Variants in OLFML3 observed in about 807,000 individuals in gnomAD.
The protein encoded by OLFML3 is olfactomedin-like protein 3.
OLFML3 carries 26 observed loss-of-function variants against 36.0 expected under a neutral mutation model. The ratio of observed to expected loss-of-function variants is 0.72; its 90% confidence interval spans 0.53 to 1.00. The LOEUF (loss-of-function observed/expected upper bound fraction) is 1.00, where lower values mean the gene tolerates loss of function less well. Ranked by LOEUF, OLFML3 falls within the 50% of genes least tolerant of loss-of-function variation. The pLI is 0.00. For synonymous variants in OLFML3, 184 were observed against 201.2 expected (o/e 0.91, Z 0.72); for missense variants, 503 against 519.4 (o/e 0.97, Z 0.31).
At chr1:113,979,857 T>G (rs1673341677) in intron 1 of OLFML3, 2 of 1,145,502 alleles carry the variant, frequency 1.7e-6, no homozygotes, top group Non-Finnish European at 2.4e-6. Flanking sequence ...TTAGATAGAA[T>G]AAGGGGGCAG....
At chr1:113,980,250 C>T (rs1215810122) in intron 1 of OLFML3, 82 bp from the exon 2 acceptor site, 1 of 1,523,082 alleles carries the variant, frequency 6.6e-7, no homozygotes, top group African/African-American at 1.4e-5. Flanking sequence ...CTTTTTTTCC[C>T]ATTCCTGACT....
chr1:113,980,312 C>T lies in OLFML3; in HGVS notation c.115-20C>T, dbSNP rs1182709547. Reference sequence around the variant, plus strand: ...GAGTTGTAACCCTGCAGCCTCCCTCCTGATCCCCCATCCCTTCAGGAACGG... The same window carrying T: ...GAGTTGTAACCCTGCAGCCTCCCTCTTGATCCCCCATCCCTTCAGGAACGG... On this transcript the variant is annotated intron_variant, in intron 1 of 2. Transcript: ENST00000320334. The T allele has an allele frequency of 1.3e-6, 2 of 1,534,160 alleles. No homozygotes were observed. Among genetic ancestry groups the T allele is most frequent in the South Asian group, 1.3e-5 (1 of 77,890 alleles).
chr1:113,980,723 C>T, intron 2 of OLFML3, 106 bp downstream of exon 2: 2 of 1,289,386 alleles, frequency 1.6e-6, no homozygotes, highest in African/African-American at 3.0e-5. Context: ...GTGGCTCTGT[C>T]TTCTGGAATC....
intron 2 of OLFML3, 106 bp from the exon 3 acceptor site, chr1:113,980,843 A>G (rs3789614): frequency 0.32 from 358,577 of 1,106,048 alleles, 61,552 homozygotes; most frequent in Middle Eastern, 0.38. Flanking sequence ...GGAGGCAACC[A>G]CTGGGCAAAT....
Position 113,981,118 on chromosome 1 carries a change from C to T in OLFML3, c.570C>T (p.Thr190=). The change falls in exon 3 of 3, where the codon ACC becomes ACT. Residue 190 remains threonine (T), a synonymous_variant. Coordinates refer to ENST00000320334, the MANE Select transcript of OLFML3 (RefSeq NM_020190.5). Reference sequence around the variant, plus strand: ...TCTTCCCAAGGCTGCGTGACTTCACCCTTGCCATGGCTGCCCGGAAAGCTT... The same window carrying T: ...TCTTCCCAAGGCTGCGTGACTTCACTCTTGCCATGGCTGCCCGGAAAGCTT... The part of the protein sequence containing the change: ...AFVFPRLRDF[T]LAMAARKASR... 1 of 1,614,110 alleles carries T rather than the reference C, an allele frequency of 6.2e-7. No homozygotes were observed. The highest frequency in any genetic ancestry group is 8.5e-7 in the Non-Finnish European group (1 of 1,179,980).
At chr1:113,980,223 G>A (rs868052605) in intron 1 of OLFML3, 109 bp from the exon 2 acceptor site, 4 of 1,522,012 alleles carry the variant, frequency 2.6e-6, no homozygotes, top group African/African-American at 2.8e-5. Flanking sequence ...GGATATTGAA[G>A]CCTGGCTGAG....
At position 113,980,710 on chromosome 1, in the gene OLFML3, A is replaced by G. The variant is rs926862531; in HGVS notation, c.400+93A>G. 41 of 1,349,940 alleles carry G rather than the reference A, an allele frequency of 3.0e-5. No individual in the cohort carries two copies. The African/African-American group carries it at 5.4e-4, about 18-fold the overall frequency. The allele number at this position is 1,349,940 out of a possible 1,614,324, so 83.6% of individuals were successfully genotyped here. On this transcript the variant is annotated intron_variant, in intron 2 of 2. Coordinates refer to ENST00000320334, the MANE Select transcript of OLFML3 (RefSeq NM_020190.5). ...TCTTTTTTTCGCTTTGTCCCAGTCC[A>G]TTGTGGCTCTGTCTTCTGGAATCTG...
Position 113,981,417 on chromosome 1 carries a change from GGGA to G in OLFML3, c.873_875del (p.Glu291del). 6.2e-7 allele frequency: 1 copy of G among 1,612,778 alleles called. No individual in the cohort carries two copies. Among genetic ancestry groups the G allele is most frequent in the Non-Finnish European group, 8.5e-7 (1 of 1,179,310 alleles). ...GGTCTTTGGGCTGTCTATGCCACCC[GGGA>G]GGATGACAGGCACTTGTGTCTGGCC... On this transcript the variant is annotated inframe_deletion, in exon 3 of 3. Coordinates refer to ENST00000320334, the MANE Select transcript of OLFML3 (RefSeq NM_020190.5).
In OLFML3 at chr1:113,981,391, A is replaced by G. The variant is rs1673405650; in HGVS notation, c.843A>G (p.Glu281=). ...ACATCGACCTGGCAGCTGATGAGGA[A>G]GGTCTTTGGGCTGTCTATGCCACCC... The part of the protein sequence containing the change: ...DTYIDLAADE[E]GLWAVYATRE... The change falls in exon 3 of 3, where the codon GAA becomes GAG. Residue 281 remains glutamate, a synonymous_variant. Coordinates refer to ENST00000320334, the MANE Select transcript of OLFML3 (RefSeq NM_020190.5). 1 of 1,611,222 alleles carries G rather than the reference A, an allele frequency of 6.2e-7. No homozygotes were observed. The highest frequency in any genetic ancestry group is 1.1e-5 in the South Asian group (1 of 90,582).
In OLFML3 at chr1:113,981,623, C is replaced by T. The variant is rs750695492; in HGVS notation, c.1075C>T (p.Arg359Trp). 23 of 1,613,972 alleles carry T rather than the reference C, an allele frequency of 1.4e-5. No individual in the cohort carries two copies. The highest frequency in any genetic ancestry group is 8.8e-5 in the South Asian group (8 of 91,074). Residue 359 changes from arginine (R) to tryptophan (W), a missense_variant, in exon 3 of 3, where the codon CGG (arginine) becomes TGG (tryptophan). Transcript: ENST00000320334. ...TGCCAGCGGCACCCTGACCCCTGAACGGGCAGCACTCCCTTATTTTCCCCG... is the reference window on the plus strand; with the variant it reads ...TGCCAGCGGCACCCTGACCCCTGAATGGGCAGCACTCCCTTATTTTCCCCG... ...FDASGTLTPE[R>W]AALPYFPRRY...
At chr1:113,980,081 G>A in intron 1 of OLFML3, 1 of 1,550,262 alleles carries the variant, frequency 6.5e-7, no homozygotes, top group Non-Finnish European at 8.7e-7. Context: ...AGATGGCTCA[G>A]TGGCACTGCT....
chr1:113,979,687 CA>C, intron 1 of OLFML3, 57 bp downstream of exon 1: 1 of 1,297,318 alleles, frequency 7.7e-7, no homozygotes, highest in Non-Finnish European at 1.1e-6. Flanking sequence ...GCTATTGGTT[CA>C]ACCAGTTTGT....
In OLFML3 at chr1:113,981,839, G is replaced by C; in HGVS notation, c.*70G>C. 7.2e-7 allele frequency: 1 copy of C among 1,395,474 alleles called. No individual in the cohort carries two copies. The highest frequency in any genetic ancestry group is 9.9e-7 in the Non-Finnish European group (1 of 1,011,700). 86.4% of individuals were successfully genotyped at this position (1,395,474 alleles called of 1,614,324 possible). On this transcript the variant is annotated 3_prime_UTR_variant, in exon 3 of 3. Coordinates refer to ENST00000320334, the MANE Select transcript of OLFML3 (RefSeq NM_020190.5). ...ATATTATATCCCCACTAAATTTCTT[G>C]TTCCTCATTCTTCAAATGTGGGCCA...
rs750963369 is a variant in OLFML3 at position 113,980,320 on chromosome 1, C to T, written c.115-12C>T. 8 of 1,539,370 alleles carry T rather than the reference C, an allele frequency of 5.2e-6. No homozygotes were observed. The highest frequency in any genetic ancestry group is 6.1e-6 in the Non-Finnish European group (7 of 1,142,102). On this transcript the variant is annotated splice_polypyrimidine_tract_variant and intron_variant, in intron 1 of 2. Transcript: ENST00000320334. ...ACCCTGCAGCCTCCCTCCTGATCCC[C>T]CATCCCTTCAGGAACGGCTGGCCCA...
In OLFML3 at chr1:113,981,706, C is replaced by G; in HGVS notation, c.1158C>G (p.Ala386=). 6.2e-7 allele frequency: 1 copy of G among 1,613,966 alleles called. No homozygotes were observed. Among genetic ancestry groups the G allele is most frequent in the Non-Finnish European group, 8.5e-7 (1 of 1,179,990 alleles). ...ACCCCCGAGAACGCCAGCTCTATGCCTGGGATGATGGCTACCAGATTGTCT... is the reference window on the plus strand; with the variant it reads ...ACCCCCGAGAACGCCAGCTCTATGCGTGGGATGATGGCTACCAGATTGTCT... ...RYNPRERQLY[A]WDDGYQIVYK... is the part of the protein sequence containing the mutation. Residue 386 remains alanine, a synonymous_variant, in exon 3 of 3, where the codon GCC becomes GCG. Coordinates refer to ENST00000320334, the MANE Select transcript of OLFML3 (RefSeq NM_020190.5).
rs915444052 is a variant in OLFML3 at position 113,981,470 on chromosome 1, A to G, written c.922A>G (p.Thr308Ala). The G allele has an allele frequency of 3.7e-6, 6 of 1,613,892 alleles. No individual in the cohort carries two copies. Among genetic ancestry groups the G allele is most frequent in the Non-Finnish European group, 5.1e-6 (6 of 1,179,972 alleles). ...CAAGTTAGATCCACAGACACTGGAC[A>G]CAGAGCAGCAGTGGGACACACCATG... Reference protein sequence around the residue: ...LAKLDPQTLDTEQQWDTPCPR... With the variant: ...LAKLDPQTLDAEQQWDTPCPR... Residue 308 changes from threonine (T) to alanine (A), a missense_variant, in exon 3 of 3, where the codon ACA becomes GCA. Coordinates refer to ENST00000320334, the MANE Select transcript of OLFML3 (RefSeq NM_020190.5).
chr1:113,980,047 G>A, intron 1 of OLFML3: 1 of 1,540,664 alleles, frequency 6.5e-7, no homozygotes, highest in Non-Finnish European at 8.8e-7. Flanking sequence ...ACACCTTCAT[G>A]CGCTTAGACC....
rs200283561 is a variant in OLFML3, at chr1:113,980,605, G to A, written c.388G>A (p.Asp130Asn). 10 of 1,594,358 alleles carry A rather than the reference G, an allele frequency of 6.3e-6. No individual in the cohort carries two copies. Among genetic ancestry groups the A allele is most frequent in the East Asian group, 4.5e-5 (2 of 44,658 alleles). ...KGKGRRNEKYDMVTDCGYTIS... is the reference protein window; with the variant it reads ...KGKGRRNEKYNMVTDCGYTIS... ...CAAGGGAAGAAGGAATGAGAAGTACGATATGGTGACAGGTAAATAATCTGA... is the reference window on the plus strand; with the variant it reads ...CAAGGGAAGAAGGAATGAGAAGTACAATATGGTGACAGGTAAATAATCTGA... The change falls in exon 2 of 3, where the codon GAT becomes AAT. Residue 130 changes from aspartate (D) to asparagine (N), a missense_variant. By Grantham distance (23) the Asp-to-Asn change is conservative. Transcript: ENST00000320334.
rs1196997021 is a variant in OLFML3, at chr1:113,981,819, A to G, written c.*50A>G. 1.4e-6 allele frequency: 2 copies of G among 1,473,044 alleles called. No individual in the cohort carries two copies. The highest frequency in any genetic ancestry group is 1.9e-6 in the Non-Finnish European group (2 of 1,074,318). The allele number at this position is 1,473,044 out of a possible 1,614,324, so 91.2% of individuals were successfully genotyped here. ...TTTCTCACTCCCATACATTTATATT[A>G]TATCCCCACTAAATTTCTTGTTCCT... is the stretch of plus-strand genomic sequence containing the variant. On this transcript the variant is annotated 3_prime_UTR_variant, in exon 3 of 3. Coordinates refer to ENST00000320334, the MANE Select transcript of OLFML3 (RefSeq NM_020190.5).
Sources: gnomAD v4.1 joint callset for allele counts on GRCh38, gnomAD v4.1.1 for gene constraint, MANE v1.5 for transcripts, NCBI Gene and HGNC (gene_info 2026-07-23, HGNC 2026-07-21) for gene names.